Variants in ACACA observed in about 807,000 individuals in gnomAD.
The protein encoded by ACACA is acetyl-CoA carboxylase 1.
A neutral mutation model predicts 296.1 loss-of-function variants in ACACA; 103 were observed. The observed-to-expected ratio is 0.35, with a 90% CI of 0.30 to 0.41. The LOEUF is 0.41. ACACA is among the 10% of genes least tolerant of loss of function. The pLI, the probability that ACACA is intolerant of heterozygous loss-of-function variation, is 1.00. For synonymous variants in ACACA, 953 were observed against 1,038.6 expected (o/e 0.92, Z 1.58); for missense variants, 1,554 against 2,989.7 (o/e 0.52, Z 11.20).
intron 3 of ACACA, among the ~76,000 whole-genome samples, chr17:37,322,924 C>A (rs185719852): frequency 1.6e-4 from 24 of 152,346 alleles, no homozygotes; most frequent in Non-Finnish European, 1.3e-4. Context: ...TGCACTCATC[C>A]TTCGAGCCCA....
chr17:37,300,121 C>T (rs897017158), intron 3 of ACACA, among the ~76,000 whole-genome samples: 3 of 152,072 alleles, frequency 2.0e-5, no homozygotes, highest in Non-Finnish European at 2.9e-5. Flanking sequence ...TGGTACAAAA[C>T]GGATACAGAA....
intron 45 of ACACA, among the ~76,000 whole-genome samples, chr17:37,139,439 G>A (rs913169408): frequency 6.6e-6 from 1 of 152,224 alleles, no homozygotes; most frequent in South Asian, 2.1e-4. Flanking sequence ...AAGTGAGCCA[G>A]AGACTGTTCA....
intron 35 of ACACA, among the ~76,000 whole-genome samples, chr17:37,195,932 T>C (rs1371395830): frequency 6.6e-6 from 1 of 152,128 alleles, no homozygotes; most frequent in Non-Finnish European, 1.5e-5. Flanking sequence ...CTTAGTATTC[T>C]GGTACCAAAA....
intron 42 of ACACA, among the ~76,000 whole-genome samples, chr17:37,160,786 T>C (rs192343254): frequency 1.1e-4 from 16 of 152,136 alleles, no homozygotes; most frequent in Admixed American, 7.9e-4. Flanking sequence ...TTAAGCCAGA[T>C]AGGAATGAAA....
At chr17:37,277,459 T>A (rs2542661) in intron 6 of ACACA, among the ~76,000 whole-genome samples, 1 of 152,154 alleles carries the variant, frequency 6.6e-6, no homozygotes, top group East Asian at 1.9e-4. Flanking sequence ...CTATGGCCAC[T>A]CCATTACATC....
At chr17:37,268,747 A>C (rs2542657) in intron 10 of ACACA, among the ~76,000 whole-genome samples, 4,346 of 141,368 alleles carry the variant, frequency 0.031, 76 homozygotes, top group Middle Eastern at 0.063. Context: ...CTATCTATAT[A>C]TATATATATA....
chr17:37,260,265 TATATATATATATATATATATATATATA>T (rs2081397129), intron 11 of ACACA, among the ~76,000 whole-genome samples: 2 of 19,094 alleles, frequency 1.0e-4, no homozygotes, highest in African/African-American at 3.1e-4. Context: ...TATATATATA[TATATATATATATATATATATATATATA>T]TATATTTTTT....
chr17:37,333,048 G>T (rs1425107995), intron 2 of ACACA, among the ~76,000 whole-genome samples: 3 of 152,226 alleles, frequency 2.0e-5, no homozygotes, highest in South Asian at 4.1e-4. Context: ...GGTATGCAGT[G>T]GTCAGTGATA....
chr17:37,282,021 T>C (rs1016671691), intron 5 of ACACA, among the ~76,000 whole-genome samples: 1 of 152,208 alleles, frequency 6.6e-6, no homozygotes, highest in African/African-American at 2.4e-5. Context: ...AATGATTTCA[T>C]ATAATAACAT....
intron 52 of ACACA, among the ~76,000 whole-genome samples, chr17:37,106,481 T>G (rs1248215705): frequency 6.6e-6 from 1 of 152,182 alleles, no homozygotes; most frequent in Non-Finnish European, 1.5e-5. Context: ...AACCCTAAAG[T>G]TCCCTGCAAC....
chr17:37,341,274 A>G (rs1166518273), intron 1 of ACACA, among the ~76,000 whole-genome samples: 4 of 152,218 alleles, frequency 2.6e-5, no homozygotes, highest in Non-Finnish European at 1.5e-5. Flanking sequence ...TGAAAATGAA[A>G]TAAGATAGAA....
At position 37,205,755 on chromosome 17, in the gene ACACA, A is replaced by C. The variant is rs1457470950; in HGVS notation, c.4056+10T>G. ...GGACATCACGAGCTTCCACCCAATC[A>C]AGAACTTACATTTTGCTGGGTAAAT... On this transcript the variant is annotated intron_variant, in intron 33 of 55. Transcript: ENST00000616317. The C allele has an allele frequency of 6.2e-7, 1 of 1,608,494 alleles. No individual in the cohort carries two copies. Among genetic ancestry groups the C allele is most frequent in the African/African-American group, 1.3e-5 (1 of 74,824 alleles).
intron 5 of ACACA, among the ~76,000 whole-genome samples, chr17:37,281,113 T>C (rs982261021): frequency 3.3e-5 from 5 of 150,398 alleles, no homozygotes; most frequent in African/African-American, 1.2e-4. Flanking sequence ...CAGGCTGGAA[T>C]GCAGTGGCAC....
intron 3 of ACACA, among the ~76,000 whole-genome samples, chr17:37,319,661 A>G (rs1048974826): frequency 6.6e-5 from 10 of 151,916 alleles, no homozygotes; most frequent in Admixed American, 6.6e-4. Context: ...CATCTCTACA[A>G]AAAAATTTAG....
intron 45 of ACACA, chr17:37,143,825 C>A: frequency 7.2e-7 from 1 of 1,380,284 alleles, no homozygotes; most frequent in Non-Finnish European, 1.0e-6. Flanking sequence ...GCAGCAGTAT[C>A]CTTTTCGTAT....
At position 37,200,498 on chromosome 17, in the gene ACACA, A is replaced by T. The variant is rs759583117; in HGVS notation, c.4057-15T>A. 6.2e-7 allele frequency: 1 copy of T among 1,604,730 alleles called. No homozygotes were observed. Among genetic ancestry groups the T allele is most frequent in the South Asian group, 1.1e-5 (1 of 90,844 alleles). The stretch of plus-strand genomic sequence containing the variant: ...AGGGTAGCTTTCTAGGAGCAAAAAC[A>T]TGTAAAACAGAAGATAGATGAGATT... On this transcript the variant is annotated splice_polypyrimidine_tract_variant and intron_variant, in intron 33 of 55. Coordinates refer to ENST00000616317, the MANE Select transcript of ACACA (RefSeq NM_198834.3).
At chr17:37,119,368 C>G (rs977990169) in intron 50 of ACACA, among the ~76,000 whole-genome samples, 2 of 152,080 alleles carry the variant, frequency 1.3e-5, no homozygotes, top group African/African-American at 4.8e-5. Flanking sequence ...TCCTAACACA[C>G]AGAACTCAAT....
At position 37,379,089 on chromosome 17, in the gene ACACA, A is replaced by C. The variant is rs753365106; in HGVS notation, c.38+27173T>G. 5.1e-6 allele frequency: 8 copies of C among 1,567,522 alleles called. No homozygotes were observed. In the South Asian group the frequency reaches 9.6e-5, roughly 19 times the overall value. On this transcript the variant is annotated intron_variant, in intron 1 of 55. Transcript: ENST00000616317. The stretch of plus-strand genomic sequence containing the variant: ...ACCGTCTCAAAAAAACCAACCAAAC[A>C]AAAAACAAAACCAGCTCCATTTTTC...
chr17:37,380,628 C>T (rs1471003893), intron 1 of ACACA, among the ~76,000 whole-genome samples: 1 of 151,756 alleles, frequency 6.6e-6, no homozygotes. Flanking sequence ...GATGGTGTCT[C>T]GTTCTGTCAC....
Sources: allele counts gnomAD v4.1 joint callset (sites outside exome capture counted in the v4.1 genomes callset), GRCh38; gene constraint gnomAD v4.1.1; transcripts MANE v1.5; gene names NCBI Gene and HGNC (gene_info 2026-07-23, HGNC 2026-07-21).